The following CD36 variants were observed in gnomAD, a reference collection of about 807,000 sequenced individuals.
The protein encoded by CD36 is platelet glycoprotein 4.
A neutral mutation model predicts 55.2 loss-of-function variants in CD36; 119 were observed. That is an observed-to-expected ratio of 2.15 (90% CI 1.86 to 2.51). CD36 has a LOEUF of 2.51. Ranked by LOEUF, CD36 falls within the 30% of genes most tolerant of loss-of-function variation. CD36 has a pLI of 0.00. For missense variants in CD36, 819 were observed against 555.5 expected (o/e 1.47, Z -4.77); for synonymous variants, 186 against 193.6 (o/e 0.96, Z 0.33).
At chr7:80,638,587 T>TGGGG (rs796662034), upstream of CD36, 1 of 126,276 alleles carries the variant, frequency 7.9e-6, no homozygotes, top group African/African-American at 3.0e-5. Flanking sequence ...TCTCTTTTTT[T>TGGGG]GGGGGGGGGA....
In CD36 at chr7:80,674,155, T is replaced by C; in HGVS notation, c.*8T>C. ...TCGAAAACAATAAAATAAGTAAGTA[T>C]GTACCAAAAAATATTGCTTCAATAA... On this transcript the variant is annotated splice_region_variant and intron_variant, in intron 14 of 14. Transcript: ENST00000447544. 6.3e-7 allele frequency: 1 copy of C among 1,588,932 alleles called. No homozygotes were observed. The highest frequency in any genetic ancestry group is 8.6e-7 in the Non-Finnish European group (1 of 1,158,520).
chr7:80,608,191 A>G (rs1227267464), intron 1 of CD36, among the ~76,000 whole-genome samples: 1 of 152,200 alleles, frequency 6.6e-6, no homozygotes, highest in African/African-American at 2.4e-5. Context: ...CATATAACAT[A>G]TCCCCTGCAA....
intron 4 of CD36, among the ~76,000 whole-genome samples, chr7:80,658,210 A>G (rs763035408): frequency 2.0e-5 from 3 of 152,202 alleles, no homozygotes; most frequent in Non-Finnish European, 4.4e-5. Context: ...AAGTTTTTAT[A>G]TTATTAGCAA....
At chr7:80,651,555 T>G (rs1795623093) in intron 3 of CD36, among the ~76,000 whole-genome samples, 1 of 152,172 alleles carries the variant, frequency 6.6e-6, no homozygotes, top group African/African-American at 2.4e-5. Flanking sequence ...ACAATGATCC[T>G]TCTGTAGCTT....
intron 3 of CD36, among the ~76,000 whole-genome samples, chr7:80,649,107 C>T (rs915674371): frequency 6.6e-6 from 1 of 152,106 alleles, no homozygotes; most frequent in African/African-American, 2.4e-5. Context: ...AGATGGCTAA[C>T]ATTTAATTCT....
intron 3 of CD36, among the ~76,000 whole-genome samples, chr7:80,655,078 G>T (rs755187191): frequency 9.9e-5 from 15 of 152,120 alleles, no homozygotes; most frequent in Non-Finnish European, 2.1e-4. Context: ...CTGTCATTCT[G>T]TGAAGTGGTG....
intron 8 of CD36, among the ~76,000 whole-genome samples, chr7:80,667,971 T>A (rs1003950618): frequency 6.6e-6 from 1 of 151,882 alleles, no homozygotes; most frequent in Non-Finnish European, 1.5e-5. Context: ...ATGGTCTTGA[T>A]CTCTTGACCT....
Position 80,671,933 on chromosome 7 carries a change from T to A in CD36, c.1018T>A (p.Tyr340Asn), listed in dbSNP as rs1337237252. The change falls in exon 11 of 15, where the codon TAC (tyrosine) becomes AAC (asparagine). Residue 340 changes from tyrosine (Y) to asparagine (N), a missense_variant. Physicochemically the swap from Tyr to Asn is moderately radical, Grantham distance 143. Transcript: ENST00000447544. ...AAACTTGTCTTCAGGGAGACCTGTG[T>A]ACATTTCACTTCCTCATTTTCTGTA... ...ISKCKEGRPV[Y>N]ISLPHFLYAS... 1.2e-6 allele frequency: 2 copies of A among 1,611,374 alleles called. No homozygotes were observed. Among genetic ancestry groups the A allele is most frequent in the Non-Finnish European group, 1.7e-6 (2 of 1,178,246 alleles).
chr7:80,643,281 C>A (rs1312960968), intron 1 of CD36, among the ~76,000 whole-genome samples: 4 of 152,120 alleles, frequency 2.6e-5, no homozygotes, highest in Non-Finnish European at 5.9e-5. Flanking sequence ...AATATATGCA[C>A]ATATACCTAT....
At chr7:80,661,800 T>C (rs1187875408) in intron 5 of CD36, among the ~76,000 whole-genome samples, 1 of 151,984 alleles carries the variant, frequency 6.6e-6, no homozygotes, top group African/African-American at 2.4e-5. Flanking sequence ...TAAGGGAAAA[T>C]AAAGTCGATA....
At chr7:80,632,256 C>T (rs759169151) in intron 1 of CD36, among the ~76,000 whole-genome samples, 2 of 147,682 alleles carry the variant, frequency 1.4e-5, no homozygotes, top group Non-Finnish European at 3.0e-5. Flanking sequence ...ATCACTTCTC[C>T]ATTTAAAAAA....
At chr7:80,665,936 A>T in intron 7 of CD36, 1 of 155,828 alleles carries the variant, frequency 6.4e-6, no homozygotes, top group Non-Finnish European at 1.4e-5. Context: ...AAAGGGAGGA[A>T]GGGGCAAGAA....
At position 80,672,268 on chromosome 7, in the gene CD36, G is replaced by T. The variant is rs3211945; in HGVS notation, c.1125+228G>T. Among the ~76,000 whole-genome samples, 429 of 151,798 alleles carry T rather than the reference G, an allele frequency of 2.8e-3. 1 individual carries two copies. Among genetic ancestry groups the T allele is most frequent in the African/African-American group, 9.8e-3 (408 of 41,488 alleles). On this transcript the variant is annotated intron_variant, in intron 11 of 14. Transcript: ENST00000447544. Reference sequence around the variant, plus strand: ...ATTTATGTTTAGATGAGGAGTTATTGTATATTATGCAAAAGTCAAAGAGTA... The same window carrying T: ...ATTTATGTTTAGATGAGGAGTTATTTTATATTATGCAAAAGTCAAAGAGTA...
At position 80,669,976 on chromosome 7, in the gene CD36, G is replaced by T. The variant is rs770887726; in HGVS notation, c.772G>T (p.Val258Phe). Residue 258 changes from valine (V) to phenylalanine (F), a missense_variant, in exon 9 of 15, where the codon GTT (valine) becomes TTT (phenylalanine). Val to Phe is a conservative substitution (Grantham distance 50, BLOSUM62 -1). Transcript: ENST00000447544. ...AGATGCAGCCTCATTTCCACCTTTT[G>T]TTGAGAAAAGCCAGGTATTGCAGTT... is the stretch of plus-strand genomic sequence containing the variant. Reference protein sequence around the residue: ...GTDAASFPPFVEKSQVLQFFS... With the variant: ...GTDAASFPPFFEKSQVLQFFS... The T allele has an allele frequency of 6.8e-6, 11 of 1,612,378 alleles. No individual in the cohort carries two copies. The highest frequency in any genetic ancestry group is 6.6e-5 in the South Asian group (6 of 91,060).
intron 1 of CD36, among the ~76,000 whole-genome samples, chr7:80,620,773 A>C: frequency 6.6e-6 from 1 of 152,210 alleles, no homozygotes; most frequent in East Asian, 1.9e-4. Flanking sequence ...ATACATGATA[A>C]CAAAAAGTCT....
chr7:80,650,673 GA>G (rs1269778201), intron 3 of CD36, among the ~76,000 whole-genome samples: 56 of 152,212 alleles, frequency 3.7e-4, no homozygotes, highest in Non-Finnish European at 1.0e-4. Context: ...AGAATGATGA[GA>G]AAATCATTTC....
At position 80,670,765 on chromosome 7, in the gene CD36, T is replaced by C. The variant is rs146400139; in HGVS notation, c.819-212T>C. On this transcript the variant is annotated intron_variant, in intron 9 of 14. Transcript: ENST00000447544. ...CTGTGAGAAGTAACTTGAGTATAAA[T>C]AAACATGGTACTTCACAAACAAGAA... is the stretch of plus-strand genomic sequence containing the variant. 2.0e-3 allele frequency: 1,090 copies of C among 550,736 alleles called. 8 individuals are homozygous for C. The highest frequency in any genetic ancestry group is 0.016 in the African/African-American group (855 of 53,188). The allele number at this position is 550,736 out of a possible 1,614,324, so 34.1% of individuals were successfully genotyped here.
chr7:80,613,197 T>C (rs181942916), intron 1 of CD36, among the ~76,000 whole-genome samples: 1 of 152,238 alleles, frequency 6.6e-6, no homozygotes. Flanking sequence ...TTGTATTACT[T>C]TCTTTACATT....
chr7:80,670,339 C>A, intron 9 of CD36: 2 of 360,388 alleles, frequency 5.5e-6, no homozygotes, highest in East Asian at 6.8e-5. Flanking sequence ...TGTTAATGTG[C>A]TCTGCTCAGA....
Sources: allele counts gnomAD v4.1 joint callset (sites outside exome capture counted in the v4.1 genomes callset), GRCh38; gene constraint gnomAD v4.1.1; transcripts MANE v1.5; gene names NCBI Gene and HGNC (gene_info 2026-07-23, HGNC 2026-07-21).